Variants in GPHN observed in about 807,000 individuals in gnomAD.
GPHN encodes gephyrin.
Under a neutral mutation model 95.5 loss-of-function variants are expected in GPHN, and 17 were observed. The observed-to-expected ratio is 0.18, with a 90% CI of 0.12 to 0.27. The LOEUF (loss-of-function observed/expected upper bound fraction) is 0.27, where lower values mean the gene tolerates loss of function less well. Among genes scored for constraint, GPHN ranks in the 10% least tolerant of loss-of-function variants. GPHN has a pLI of 1.00. For synonymous variants in GPHN, 320 were observed against 322.5 expected, an observed-to-expected ratio of 0.99 and a Z score of 0.08; for missense variants, 660 against 978.1, an observed-to-expected ratio of 0.67 and a Z score of 4.34.
chr14:67,637,929 C>T, the GPHN span, among the ~76,000 whole-genome samples: 2 of 152,212 alleles, frequency 1.3e-5, no homozygotes, highest in East Asian at 3.8e-4. Context: ...GTGCCACTTT[C>T]AGGCCAGAGT....
chr14:67,650,638 C>A, the GPHN span: 1 of 1,371,462 alleles, frequency 7.3e-7, no homozygotes, highest in Non-Finnish European at 1.0e-6. Flanking sequence ...GGCTTGTTCT[C>A]CCTGTCCCAG....
chr14:66,968,397 C>G (rs2069497183), intron 9 of GPHN, among the ~76,000 whole-genome samples: 1 of 151,954 alleles, frequency 6.6e-6, no homozygotes, highest in Admixed American at 6.6e-5. Flanking sequence ...GTTTGAAATT[C>G]TTATTTTTAC....
chr14:66,894,163 G>C (rs1024551657), intron 5 of GPHN, among the ~76,000 whole-genome samples: 2 of 152,014 alleles, frequency 1.3e-5, no homozygotes, highest in Admixed American at 6.6e-5. Context: ...CCAAAACAGA[G>C]ATATAGACCA....
At chr14:66,729,720 T>A (rs1458414520) in intron 2 of GPHN, among the ~76,000 whole-genome samples, 1 of 152,256 alleles carries the variant, frequency 6.6e-6, no homozygotes, top group African/African-American at 2.4e-5. Context: ...TGATTCAATT[T>A]GCATTTAATT....
At chr14:67,673,900 G>A in the GPHN span, among the ~76,000 whole-genome samples, 1 of 152,196 alleles carries the variant, frequency 6.6e-6, no homozygotes, top group Non-Finnish European at 1.5e-5. Context: ...GGTTTTAAAG[G>A]CCAGCTCTCT....
chr14:67,173,671 C>T (rs2140118104), intron 21 of GPHN, among the ~76,000 whole-genome samples: 1 of 152,102 alleles, frequency 6.6e-6, no homozygotes, highest in Admixed American at 6.5e-5. Flanking sequence ...TATAACACCG[C>T]CAAAGGAACA....
chr14:67,185,233 A>C (rs775908264), downstream of GPHN, among the ~76,000 whole-genome samples: 11 of 152,168 alleles, frequency 7.2e-5, no homozygotes, highest in Non-Finnish European at 1.5e-4. Context: ...AGTGGTGGGC[A>C]TGTTAACAAT....
chr14:67,666,705 C>T, the GPHN span, among the ~76,000 whole-genome samples: 1 of 152,124 alleles, frequency 6.6e-6, no homozygotes, highest in Non-Finnish European at 1.5e-5. Flanking sequence ...CTGCCTTTAC[C>T]ACTGAGGACA....
At chr14:66,653,315 A>G (rs748673315) in intron 1 of GPHN, among the ~76,000 whole-genome samples, 2 of 152,170 alleles carry the variant, frequency 1.3e-5, no homozygotes, top group Non-Finnish European at 2.9e-5. Flanking sequence ...TTATCTTTCT[A>G]AATTTTATTT....
chr14:67,578,747 A>G, the GPHN span: 3 of 731,934 alleles, frequency 4.1e-6, no homozygotes, highest in Non-Finnish European at 7.3e-6. This position sits in a 1 kb window ranked among gnomAD's most constrained non-coding sequence, Gnocchi z 5.0. Context: ...GAAACCGCTC[A>G]GTGGTCGTGG....
At chr14:67,305,036 G>GT in the GPHN span, among the ~76,000 whole-genome samples, 4 of 151,996 alleles carry the variant, frequency 2.6e-5, no homozygotes, top group Non-Finnish European at 5.9e-5. Flanking sequence ...TATGTTTACA[G>GT]TTTTTTTGCA....
chr14:66,863,752 A>G (rs1333201291), intron 4 of GPHN, among the ~76,000 whole-genome samples: 3 of 152,192 alleles, frequency 2.0e-5, no homozygotes, highest in African/African-American at 7.2e-5. Flanking sequence ...GTGCTGGGAA[A>G]ACTGAATATT....
intron 2 of GPHN, among the ~76,000 whole-genome samples, chr14:66,751,794 A>G (rs57791782): frequency 0.073 from 11,078 of 152,150 alleles, 1,003 homozygotes; most frequent in African/African-American, 0.21. Context: ...TAGCTGCACT[A>G]GTCCCTACCA....
chr14:66,744,179 G>A (rs2058052443), intron 2 of GPHN, among the ~76,000 whole-genome samples: 1 of 152,136 alleles, frequency 6.6e-6, no homozygotes, highest in African/African-American at 2.4e-5. Flanking sequence ...ACTAAAGTAA[G>A]TTACTGCCTA....
chr14:66,746,816 G>C (rs2058169819), intron 2 of GPHN, among the ~76,000 whole-genome samples: 1 of 152,140 alleles, frequency 6.6e-6, no homozygotes, highest in Admixed American at 6.6e-5. Context: ...ACAGGGTTTG[G>C]TGCTGCCCTT....
chr14:67,483,003 C>T, the GPHN span, among the ~76,000 whole-genome samples: 9 of 152,106 alleles, frequency 5.9e-5, no homozygotes, highest in African/African-American at 2.2e-4. Context: ...AGGCTACGTT[C>T]TTTTTTTGTT....
intron 17 of GPHN, among the ~76,000 whole-genome samples, chr14:67,133,880 G>A (rs1211000392): frequency 6.6e-6 from 1 of 152,162 alleles, no homozygotes; most frequent in Non-Finnish European, 1.5e-5. Flanking sequence ...GAAGATGAAT[G>A]TCATGGCTTT....
chr14:67,537,812 T>C, the GPHN span, among the ~76,000 whole-genome samples: 1 of 152,228 alleles, frequency 6.6e-6, no homozygotes, highest in African/African-American at 2.4e-5. Flanking sequence ...CTGTGCCACC[T>C]TCCCACCCAT....
the GPHN span, among the ~76,000 whole-genome samples, chr14:67,500,533 C>T: frequency 4.6e-5 from 7 of 151,502 alleles, no homozygotes; most frequent in African/African-American, 1.7e-4. Context: ...CTTTATTGTG[C>T]GTTTCTGTGT....
Sources: gnomAD v4.1 joint callset for allele counts (sites outside exome capture counted in the v4.1 genomes callset) on GRCh38, gnomAD v4.1.1 for gene constraint, Gnocchi (gnomAD v3.1) non-coding constraint, MANE v1.5 for transcripts, NCBI Gene and HGNC (gene_info 2026-07-23, HGNC 2026-07-21) for gene names.